The following PSG9 variants were observed in gnomAD, a reference collection of about 807,000 sequenced individuals.
PSG9 encodes the protein pregnancy-specific beta-1-glycoprotein 9.
In PSG9, 49 loss-of-function variants were observed where a neutral mutation model predicts 41.9. That is an observed-to-expected ratio of 1.17 (90% CI 0.93 to 1.48). The LOEUF is 1.48. Ranked by LOEUF, PSG9 falls within the 40% of genes most tolerant of loss-of-function variation. The pLI is 0.00. For missense variants in PSG9, 641 were observed against 520.3 expected, an observed-to-expected ratio of 1.23 and a Z score of -2.26; for synonymous variants, 263 against 196.8, an observed-to-expected ratio of 1.34 and a Z score of -2.82.
intron 2 of PSG9, among the ~76,000 whole-genome samples, chr19:43,264,626 T>G (rs1399432828): frequency 1.3e-5 from 2 of 151,910 alleles, no homozygotes; most frequent in African/African-American, 2.4e-5. Context: ...CCCGGCTAAT[T>G]TTTTGTATTT....
chr19:43,259,070 C>G lies in PSG9; in HGVS notation c.775G>C (p.Ala259Pro), dbSNP rs1058711. The G allele has an allele frequency of 1.8e-5, 28 of 1,590,296 alleles. 3 individuals carry two copies. The highest frequency in any genetic ancestry group is 2.3e-4 in the Middle Eastern group (1 of 4,428). ...LNPRENKDVL[A>P]FTCEPKSENY... ...TCACTCTTAGGTTCACAGGTGAAGG[C>G]TAAGACATCCTTATTCTCCCTGGGG... Residue 259 changes from alanine (A) to proline (P), a missense_variant, in exon 4 of 6, where the codon GCC becomes CCC. Transcript: ENST00000270077.
intron 2 of PSG9, among the ~76,000 whole-genome samples, chr19:43,264,882 C>A (rs1339505800): frequency 1.3e-5 from 2 of 152,092 alleles, no homozygotes; most frequent in African/African-American, 2.4e-5. Flanking sequence ...AGGAAGTGAC[C>A]AGAGAATGTG....
intron 3 of PSG9, among the ~76,000 whole-genome samples, chr19:43,261,503 G>C (rs550472395): frequency 1.3e-5 from 2 of 152,262 alleles, no homozygotes; most frequent in East Asian, 3.9e-4. Flanking sequence ...TTGTCAGAGG[G>C]AAGGGAAAAT....
In PSG9 at chr19:43,258,993, G is replaced by C; in HGVS notation, c.852C>G (p.Pro284=). Residue 284 remains proline (P), a synonymous_variant, in exon 4 of 6, where the codon CCC becomes CCG. Transcript: ENST00000270077. ...WLNGQSLPVS[P]GVKRPIENRI... ...TGTTTTCAATGGGTCGCTTTACCCCGGGACTGACGGGGAGGCTCTGACCGT... is the reference window on the plus strand; with the variant it reads ...TGTTTTCAATGGGTCGCTTTACCCCCGGACTGACGGGGAGGCTCTGACCGT... 5.7e-6 allele frequency: 9 copies of C among 1,590,576 alleles called. 2 individuals carry two copies. Among genetic ancestry groups the C allele is most frequent in the Non-Finnish European group, 7.7e-6 (9 of 1,174,460 alleles).
rs147992086 is a variant in PSG9, at chr19:43,256,137, T to C, written c.1243+2065A>G. On this transcript the variant is annotated intron_variant, in intron 5 of 5. Coordinates refer to ENST00000270077, the MANE Select transcript of PSG9 (RefSeq NM_002784.5). Reference sequence around the variant, plus strand: ...GGGACAGTGTTCTCACCAAAGGATATTGGGAAAGCTGGATATCCAAGGGCA... The same window carrying C: ...GGGACAGTGTTCTCACCAAAGGATACTGGGAAAGCTGGATATCCAAGGGCA... 1.2e-3 allele frequency among the ~76,000 whole-genome samples: 179 copies of C among 146,788 alleles called. 21 individuals are homozygous for C. Among genetic ancestry groups the C allele is most frequent in the African/African-American group, 4.2e-3 (164 of 38,764 alleles).
At position 43,259,061 on chromosome 19, in the gene PSG9, A is replaced by G; in HGVS notation, c.784T>C (p.Cys262Arg). The G allele has an allele frequency of 2.5e-6, 4 of 1,590,330 alleles. No individual in the cohort carries two copies. The highest frequency in any genetic ancestry group is 3.4e-6 in the Non-Finnish European group (4 of 1,174,342). Residue 262 changes from cysteine to arginine, a missense_variant, in exon 4 of 6, where the codon TGT becomes CGT. By Grantham distance (180) the Cys-to-Arg change is radical. Transcript: ENST00000270077. ...GTGTAGTTCTCACTCTTAGGTTCACAGGTGAAGGCTAAGACATCCTTATTC... is the reference window on the plus strand; with the variant it reads ...GTGTAGTTCTCACTCTTAGGTTCACGGGTGAAGGCTAAGACATCCTTATTC... ...RENKDVLAFT[C>R]EPKSENYTYI...
rs1555730599 is a variant in PSG9 at position 43,261,278 on chromosome 19, A to AT, written c.709+581_709+582insA. ...TGAGTTATGGATGAAACAGACATAG[A>AT]CCCTCTATATGTTTTAGTGATTTGG... On this transcript the variant is annotated intron_variant, in intron 3 of 5. Coordinates refer to ENST00000270077, the MANE Select transcript of PSG9 (RefSeq NM_002784.5). Among the ~76,000 whole-genome samples, 6 of 151,788 alleles carry AT rather than the reference A, an allele frequency of 4.0e-5. No individual in the cohort carries two copies. The East Asian group carries it at 1.2e-3, about 29-fold the overall frequency.
chr19:43,266,052 G>A (rs1241217353), intron 2 of PSG9, among the ~76,000 whole-genome samples: 2 of 151,802 alleles, frequency 1.3e-5, no homozygotes, highest in African/African-American at 4.8e-5. Context: ...TGCAGGACAG[G>A]GCTTGCCAGT....
At chr19:43,264,027 A>T (rs921718449) in intron 2 of PSG9, among the ~76,000 whole-genome samples, 4 of 152,096 alleles carry the variant, frequency 2.6e-5, no homozygotes, top group African/African-American at 9.7e-5. Flanking sequence ...CTAAAATTTA[A>T]GTCTGTGTGA....
intron 2 of PSG9, among the ~76,000 whole-genome samples, chr19:43,263,675 A>T (rs900161333): frequency 6.6e-6 from 1 of 152,184 alleles, no homozygotes; most frequent in South Asian, 2.1e-4. Flanking sequence ...TCTAAGATCA[A>T]TTGCTGGTAG....
Position 43,261,734 on chromosome 19 carries a change from G to A in PSG9, c.709+126C>T, listed in dbSNP as rs1307751203. On this transcript the variant is annotated intron_variant, in intron 3 of 5. Coordinates refer to ENST00000270077, the MANE Select transcript of PSG9 (RefSeq NM_002784.5). ...TGGTTTGCTTGGGGCAGAAAGTCAT[G>A]GCCAGCTTTGATGTCTAGGGGTAAA... 2.5e-6 allele frequency: 4 copies of A among 1,607,290 alleles called. No homozygotes were observed. In the Admixed American group the frequency reaches 5.0e-5, roughly 20 times the overall value.
chr19:43,257,810 G>A, intron 5 of PSG9: 1 of 1,319,860 alleles, frequency 7.6e-7, no homozygotes, highest in South Asian at 2.4e-5. Context: ...TTGTTTCAAA[G>A]CCTCAGCTGT....
intron 2 of PSG9, among the ~76,000 whole-genome samples, chr19:43,263,591 CAAA>C (rs201166241): frequency 8.0e-6 from 1 of 125,586 alleles, no homozygotes; most frequent in Non-Finnish European, 1.8e-5. Flanking sequence ...ACTCTAGTAA[CAAA>C]AAAAAAAAAA....
At chr19:43,264,699 G>T (rs112758475) in intron 2 of PSG9, among the ~76,000 whole-genome samples, 2 of 152,136 alleles carry the variant, frequency 1.3e-5, no homozygotes, top group Non-Finnish European at 2.9e-5. Context: ...CCTTGTGCCC[G>T]CCTCGGCCTC....
intron 2 of PSG9, among the ~76,000 whole-genome samples, chr19:43,265,291 C>T (rs11667439): frequency 0.23 from 35,303 of 152,040 alleles, 4,613 homozygotes; most frequent in East Asian, 0.48. Context: ...TCCCTGACTG[C>T]TCCGATGTCA....
chr19:43,254,034 C>A lies in PSG9; in HGVS notation c.1244-388G>T, dbSNP rs544592146. On this transcript the variant is annotated intron_variant, in intron 5 of 5. Coordinates refer to ENST00000270077, the MANE Select transcript of PSG9 (RefSeq NM_002784.5). ...TAACATACCAGACTTGATTCTTTGC[C>A]CTTAGCTTTTTTTTTCTCTCCCACA... 1.1e-4 allele frequency among the ~76,000 whole-genome samples: 16 copies of A among 145,082 alleles called. 2 individuals are homozygous for A. The highest frequency in any genetic ancestry group is 2.0e-4 in the Admixed American group (3 of 14,648).
chr19:43,254,151 T>C (rs1241350456), intron 5 of PSG9, among the ~76,000 whole-genome samples: 1 of 146,066 alleles, frequency 6.8e-6, no homozygotes, highest in Non-Finnish European at 1.5e-5. Context: ...GCACTTCCTA[T>C]GTGCCAGGCC....
At chr19:43,262,250 A>T (rs1968760813) in intron 2 of PSG9, 112 bp from the exon 3 acceptor site, 1 of 1,517,670 alleles carries the variant, frequency 6.6e-7, no homozygotes, top group Non-Finnish European at 8.8e-7. Context: ...CAGTCCTTAA[A>T]AGCCCATGGC....
rs547071509 is a variant in PSG9, at chr19:43,265,404, A to G, written c.430+2380T>C. ...TTTGAGATGTTTCTCATTCTTTTGC[A>G]TTCTGGCAACCGGCTGACCTCATCC... On this transcript the variant is annotated intron_variant, in intron 2 of 5. Coordinates refer to ENST00000270077, the MANE Select transcript of PSG9 (RefSeq NM_002784.5). Among the ~76,000 whole-genome samples, 167 of 152,246 alleles carry G rather than the reference A, an allele frequency of 1.1e-3. 1 individual carries two copies. The highest frequency in any genetic ancestry group is 4.0e-3 in the African/African-American group (165 of 41,532).
Sources: allele counts gnomAD v4.1 joint callset (sites outside exome capture counted in the v4.1 genomes callset), GRCh38; gene constraint gnomAD v4.1.1; transcripts MANE v1.5; gene names NCBI Gene and HGNC (gene_info 2026-07-23, HGNC 2026-07-21).